The following TCF20 variants were observed in gnomAD, a reference collection of about 807,000 sequenced individuals.
TCF20 encodes SPRE-binding protein.
TCF20 carries 3 observed loss-of-function variants against 148.6 expected under a neutral mutation model. That is an observed-to-expected ratio of 0.02 (90% confidence interval 0.01 to 0.05). The LOEUF (loss-of-function observed/expected upper bound fraction) is 0.05, where lower values mean the gene tolerates loss of function less well. Among genes scored for constraint, TCF20 ranks in the 10% least tolerant of loss-of-function variants. The pLI is 1.00. For synonymous variants in TCF20, 1,049 were observed against 909.5 expected (o/e 1.15, Z -2.76); for missense variants, 2,350 against 2,429.3 (o/e 0.97, Z 0.69).
Position 42,292,633 on chromosome 22 carries a change from G to A in TCF20, c.-37+50846C>T, listed in dbSNP as rs9611766. On this transcript the variant is annotated intron_variant, in intron 1 of 1. Coordinates refer to the TCF20 transcript ENST00000515426. This position sits in a 1 kb window ranked among gnomAD's most constrained non-coding sequence, Gnocchi z 4.9. Reference sequence around the variant, plus strand: ...AATCCCAGAAGGCATCCCAGAAGAGGGGGTGTTTAAGCAGGAACTTGGAGG... The same window carrying A: ...AATCCCAGAAGGCATCCCAGAAGAGAGGGTGTTTAAGCAGGAACTTGGAGG... Among the ~76,000 whole-genome samples, 36,595 of 151,776 alleles carry A rather than the reference G, an allele frequency of 0.24. 4,521 individuals carry two copies. The highest frequency in any genetic ancestry group is 0.3 in the East Asian group (1,527 of 5,156).
At chr22:42,328,540 C>T (rs540791133) in intron 1 of TCF20, among the ~76,000 whole-genome samples, 1 of 152,320 alleles carries the variant, frequency 6.6e-6, no homozygotes, top group East Asian at 1.9e-4. Flanking sequence ...CTTGGTTGCA[C>T]ATCCAGGCTC....
At chr22:42,270,978 T>C (rs1052243046), upstream of TCF20, among the ~76,000 whole-genome samples, 5 of 151,362 alleles carry the variant, frequency 3.3e-5, no homozygotes, top group Admixed American at 3.3e-4. Context: ...TCTGGGGGAG[T>C]TGGTGGCCCG....
At chr22:42,236,725 A>AT (rs1335419224) in intron 1 of TCF20, among the ~76,000 whole-genome samples, 18 of 152,362 alleles carry the variant, frequency 1.2e-4, no homozygotes, top group African/African-American at 3.6e-4. Context: ...AGCCACAAGC[A>AT]TAACATTGCA....
At chr22:42,339,063 CTG>C (rs1389559640) in intron 1 of TCF20, among the ~76,000 whole-genome samples, 1 of 152,146 alleles carries the variant, frequency 6.6e-6, no homozygotes, top group Non-Finnish European at 1.5e-5. Flanking sequence ...CAGAAAAGCT[CTG>C]TGAGGCAGGC....
intron 3 of TCF20, among the ~76,000 whole-genome samples, chr22:42,177,890 A>C (rs1029030767): frequency 6.6e-6 from 1 of 151,690 alleles, no homozygotes; most frequent in Non-Finnish European, 1.5e-5. Context: ...GGATAGGAGC[A>C]CTTTTTGTTC....
intron 1 of TCF20, among the ~76,000 whole-genome samples, chr22:42,312,927 G>A (rs548891569): frequency 2.6e-5 from 4 of 152,330 alleles, no homozygotes; most frequent in South Asian, 2.1e-4. Context: ...CCTTGAGGAC[G>A]AAGCTGGGTC....
upstream of TCF20, among the ~76,000 whole-genome samples, chr22:42,285,081 T>A (rs956124273): frequency 1.3e-5 from 2 of 152,194 alleles, no homozygotes; most frequent in African/African-American, 4.8e-5. This position sits in a 1 kb window ranked among gnomAD's most constrained non-coding sequence, Gnocchi z 4.2. Context: ...CACTCGGCCA[T>A]GCTCGCTTCA....
chr22:42,282,172 T>C (rs129472), intron 1 of TCF20, among the ~76,000 whole-genome samples: 113,684 of 152,192 alleles, frequency 0.75, 42,858 homozygotes, highest in African/African-American at 0.82. Context: ...TCCCCTGACC[T>C]TCTGCCTGTA....
intron 1 of TCF20, chr22:42,270,003 C>G (rs1352445232): frequency 6.6e-6 from 1 of 152,462 alleles, no homozygotes; most frequent in Non-Finnish European, 1.5e-5. Context: ...GCCTTTGCAC[C>G]CAAGGCCTCG....
intron 1 of TCF20, among the ~76,000 whole-genome samples, chr22:42,263,875 AAAG>A (rs1455629653): frequency 6.6e-6 from 1 of 152,142 alleles, no homozygotes; most frequent in Non-Finnish European, 1.5e-5. Context: ...CATAGATGGC[AAAG>A]AATAGGTCCT....
chr22:42,215,522 G>A (rs1159556884), intron 1 of TCF20, 181 bp from the exon 2 acceptor site: 2 of 753,986 alleles, frequency 2.7e-6, no homozygotes, highest in African/African-American at 3.5e-5. Flanking sequence ...CCAGGCTGGA[G>A]TGCAATTGCA....
intron 1 of TCF20, among the ~76,000 whole-genome samples, chr22:42,268,015 G>A (rs1275012276): frequency 6.6e-6 from 1 of 152,086 alleles, no homozygotes; most frequent in African/African-American, 2.4e-5. Context: ...GTGTGGTAGT[G>A]TATGCCTCTA....
At chr22:42,296,811 C>T (rs949966194) in intron 1 of TCF20, among the ~76,000 whole-genome samples, 5 of 152,222 alleles carry the variant, frequency 3.3e-5, no homozygotes, top group Non-Finnish European at 7.3e-5. Context: ...CAGGAGGCCC[C>T]GTCGCCATTT....
chr22:42,222,569 C>T (rs1922477851), intron 1 of TCF20, among the ~76,000 whole-genome samples: 1 of 152,146 alleles, frequency 6.6e-6, no homozygotes, highest in Admixed American at 6.5e-5. Context: ...CAAGCCTGCT[C>T]AGCCCCCTTT....
At chr22:42,203,990 C>G (rs1209388291) in intron 2 of TCF20, among the ~76,000 whole-genome samples, 1 of 152,184 alleles carries the variant, frequency 6.6e-6, no homozygotes, top group Non-Finnish European at 1.5e-5. Context: ...ACTGGTGGCT[C>G]TATTTTACAG....
intron 1 of TCF20, among the ~76,000 whole-genome samples, chr22:42,236,760 C>T (rs79316958): frequency 8.9e-4 from 136 of 152,184 alleles, no homozygotes; most frequent in African/African-American, 3.2e-3. Flanking sequence ...GGTTCCAGAC[C>T]GTGGCAATAA....
chr22:42,270,569 C>T lies in TCF20; in HGVS notation c.-267G>A, dbSNP rs1035659089. Reference sequence around the variant, plus strand: ...CGCGCCTCAGGGCGGGCTCCCCTGGCGGAGGCCGCGGCCGCCTCGCAGGGG... The same window carrying T: ...CGCGCCTCAGGGCGGGCTCCCCTGGTGGAGGCCGCGGCCGCCTCGCAGGGG... On this transcript the variant is annotated 5_prime_UTR_variant, in exon 1 of 6. Transcript: ENST00000677622. 5.5e-5 allele frequency among the ~76,000 whole-genome samples: 8 copies of T among 144,620 alleles called. No individual in the cohort carries two copies. Among genetic ancestry groups the T allele is most frequent in the Non-Finnish European group, 1.1e-4 (7 of 65,314 alleles). 94.9% of individuals were successfully genotyped at this position (144,620 alleles called of 152,430 possible).
At chr22:42,171,684 G>A (rs987501871) in intron 3 of TCF20, among the ~76,000 whole-genome samples, 2 of 152,204 alleles carry the variant, frequency 1.3e-5, no homozygotes, top group Non-Finnish European at 2.9e-5. Context: ...GCTCCAATCT[G>A]CCAGAGAGTT....
At chr22:42,272,568 G>A (rs947900229), upstream of TCF20, among the ~76,000 whole-genome samples, 2 of 152,284 alleles carry the variant, frequency 1.3e-5, no homozygotes, top group Non-Finnish European at 2.9e-5. Flanking sequence ...ACAGATAACT[G>A]GAGTCCAGGC....
Sources: allele counts gnomAD v4.1 joint callset (sites outside exome capture counted in the v4.1 genomes callset), GRCh38; gene constraint gnomAD v4.1.1; non-coding constraint Gnocchi (gnomAD v3.1); transcripts MANE v1.5; gene names NCBI Gene and HGNC (gene_info 2026-07-23, HGNC 2026-07-21).